Variants in THRB observed in about 807,000 individuals in gnomAD.
The protein encoded by THRB is thyroid hormone receptor beta, also known as nuclear receptor subfamily 1 group A member 2.
In THRB, 12 loss-of-function variants were observed where a neutral mutation model predicts 47.8. The ratio of observed to expected loss-of-function variants is 0.25; its 90% confidence interval spans 0.16 to 0.41. The LOEUF (loss-of-function observed/expected upper bound fraction) is 0.41, where lower values mean the gene tolerates loss of function less well. Ranked by LOEUF, THRB falls within the 10% of genes least tolerant of loss-of-function variation. The pLI is 1.00. For synonymous variants in THRB, 218 were observed against 212.2 expected, an observed-to-expected ratio of 1.03 and a Z score of -0.24; for missense variants, 348 against 589.2, an observed-to-expected ratio of 0.59 and a Z score of 4.24.
chr3:24,212,118 G>A (rs569578936), intron 4 of THRB, among the ~76,000 whole-genome samples: 5 of 152,128 alleles, frequency 3.3e-5, no homozygotes, highest in Non-Finnish European at 7.4e-5. Context: ...ACAAAAATTG[G>A]CCAGGCATGG....
chr3:24,150,768 C>T (rs1477729343), intron 6 of THRB, among the ~76,000 whole-genome samples: 3 of 152,118 alleles, frequency 2.0e-5, no homozygotes, highest in African/African-American at 4.8e-5. Flanking sequence ...GATCTCTCTC[C>T]CAGAATTCGA....
At chr3:24,409,917 T>C (rs1015811126) in intron 1 of THRB, among the ~76,000 whole-genome samples, 2 of 151,866 alleles carry the variant, frequency 1.3e-5, no homozygotes. Context: ...GGTTTACCTA[T>C]TGCTATTCAT....
Position 24,121,813 on chromosome 3 carries a change from G to C in THRB, c.*1071C>G, listed in dbSNP as rs535152924. ...AGGAGGAAGCGTCCTCCAGCCATCAGGACACAAAGGGGCCCTCAGAACACT... is the reference window on the plus strand; with the variant it reads ...AGGAGGAAGCGTCCTCCAGCCATCACGACACAAAGGGGCCCTCAGAACACT... On this transcript the variant is annotated 3_prime_UTR_variant, in exon 11 of 11. Coordinates refer to ENST00000646209, the MANE Select transcript of THRB (RefSeq NM_001354712.2). 6.6e-6 allele frequency: 1 copy of C among 152,482 alleles called. No individual in the cohort carries two copies. The highest frequency in any genetic ancestry group is 2.1e-4 in the South Asian group (1 of 4,826). 9.4% of individuals were successfully genotyped at this position (152,482 alleles called of 1,614,324 possible). A position where few individuals can be genotyped will look rare whatever the true frequency, so the allele number is the denominator to read the frequency against.
At chr3:24,285,551 G>A (rs1233658618) in intron 3 of THRB, among the ~76,000 whole-genome samples, 1 of 151,322 alleles carries the variant, frequency 6.6e-6, no homozygotes, top group African/African-American at 2.4e-5. Context: ...CCTGCACATT[G>A]TGCACATGTA....
intron 1 of THRB, among the ~76,000 whole-genome samples, chr3:24,431,268 A>T (rs1175916689): frequency 1.9e-4 from 18 of 95,604 alleles, no homozygotes; most frequent in South Asian, 3.6e-4. Context: ...CTCTACACAC[A>T]CACACACACA....
At chr3:24,368,674 A>G (rs570303116) in intron 1 of THRB, among the ~76,000 whole-genome samples, 8 of 152,306 alleles carry the variant, frequency 5.3e-5, no homozygotes, top group African/African-American at 1.7e-4. Flanking sequence ...ACAGAAGCCA[A>G]TGAAGGCCAT....
At chr3:24,395,511 T>C (rs1316614936) in intron 1 of THRB, among the ~76,000 whole-genome samples, 1 of 151,952 alleles carries the variant, frequency 6.6e-6, no homozygotes, top group African/African-American at 2.4e-5. Flanking sequence ...AAAAAGCACA[T>C]AAAAAGACGT....
intron 5 of THRB, among the ~76,000 whole-genome samples, chr3:24,154,120 T>G (rs140983125): frequency 4.9e-4 from 74 of 152,222 alleles, no homozygotes; most frequent in African/African-American, 1.7e-3. Context: ...GAAAGTGAGG[T>G]TTAGTAATGT....
intron 1 of THRB, among the ~76,000 whole-genome samples, chr3:24,413,835 TA>T (rs1354906911): frequency 4.0e-5 from 6 of 151,668 alleles, no homozygotes; most frequent in African/African-American, 1.5e-4. Context: ...TATGCAGCCA[TA>T]AAAAAGGATG....
At chr3:24,199,233 G>C (rs1472353864) in intron 4 of THRB, among the ~76,000 whole-genome samples, 2 of 152,188 alleles carry the variant, frequency 1.3e-5, no homozygotes, top group South Asian at 2.1e-4. Flanking sequence ...AATACGGTCT[G>C]CTGAGGCCCA....
At chr3:24,454,288 A>G (rs2072956738) in intron 1 of THRB, among the ~76,000 whole-genome samples, 2 of 152,250 alleles carry the variant, frequency 1.3e-5, no homozygotes, top group East Asian at 1.9e-4. Context: ...TTCCATATAC[A>G]TGAGATGTCC....
At chr3:24,299,212 C>T (rs2056709413) in intron 2 of THRB, among the ~76,000 whole-genome samples, 1 of 138,036 alleles carries the variant, frequency 7.2e-6, no homozygotes, top group African/African-American at 2.8e-5. Context: ...AGTGCCACTG[C>T]ACTCCAGCCT....
chr3:24,205,738 G>C (rs1328614909), intron 4 of THRB, among the ~76,000 whole-genome samples: 1 of 152,298 alleles, frequency 6.6e-6, no homozygotes, highest in East Asian at 1.9e-4. Context: ...CCATCAGTGT[G>C]CTGTATTCAG....
At chr3:24,259,666 A>C (rs7619292) in intron 3 of THRB, among the ~76,000 whole-genome samples, 116,169 of 140,112 alleles carry the variant, frequency 0.83, 48,433 homozygotes, top group Middle Eastern at 0.86. Flanking sequence ...TTAACTCCTA[A>C]AAGTTATTTC....
chr3:24,385,168 AG>A (rs2065999396), intron 1 of THRB, among the ~76,000 whole-genome samples: 1 of 152,242 alleles, frequency 6.6e-6, no homozygotes, highest in African/African-American at 2.4e-5. Context: ...AATGTTTTGC[AG>A]ATGTCCTAAA....
At chr3:24,168,871 TG>T (rs2149327930) in intron 5 of THRB, among the ~76,000 whole-genome samples, 1 of 151,944 alleles carries the variant, frequency 6.6e-6, no homozygotes, top group South Asian at 2.1e-4. Flanking sequence ...AAACTTGGCA[TG>T]GGGACACAGG....
chr3:24,280,846 G>A (rs2054504213), intron 3 of THRB, among the ~76,000 whole-genome samples: 1 of 152,082 alleles, frequency 6.6e-6, no homozygotes, highest in Admixed American at 6.6e-5. Flanking sequence ...AGTGATGGAA[G>A]ATGAAATGAA....
At chr3:24,150,277 C>T (rs970923106) in intron 6 of THRB, among the ~76,000 whole-genome samples, 24 of 152,092 alleles carry the variant, frequency 1.6e-4, no homozygotes, top group Non-Finnish European at 2.9e-4. Context: ...TTTGAATAAA[C>T]GATATAGGAA....
intron 3 of THRB, among the ~76,000 whole-genome samples, chr3:24,264,669 A>T (rs1230256487): frequency 6.6e-6 from 1 of 152,192 alleles, no homozygotes; most frequent in Non-Finnish European, 1.5e-5. Flanking sequence ...AGGTCATTTC[A>T]CATTTTAAGT....
Sources: gnomAD v4.1 joint callset for allele counts (sites outside exome capture counted in the v4.1 genomes callset) on GRCh38, gnomAD v4.1.1 for gene constraint, MANE v1.5 for transcripts, NCBI Gene and HGNC (gene_info 2026-07-23, HGNC 2026-07-21) for gene names.